The following CNTN1 variants were observed in gnomAD, a reference collection of about 807,000 sequenced individuals.
CNTN1 encodes contactin-1.
Under a neutral mutation model 126.4 loss-of-function variants are expected in CNTN1, and 38 were observed. The ratio of observed to expected loss-of-function variants is 0.30; its 90% CI spans 0.23 to 0.39. CNTN1 has a LOEUF of 0.39. CNTN1 is among the 10% of genes least tolerant of loss of function. The pLI, the probability that CNTN1 is intolerant of heterozygous loss-of-function variation, is 1.00. For missense variants in CNTN1, 1,009 were observed against 1,248.4 expected (o/e 0.81, Z 2.89); for synonymous variants, 413 against 422.6 (o/e 0.98, Z 0.28).
Position 41,035,269 on chromosome 12 carries a change from T to C in CNTN1, c.2980+6050T>C, listed in dbSNP as rs546896797. Among the ~76,000 whole-genome samples the C allele has an allele frequency of 3.8e-3, 578 of 152,360 alleles. 3 individuals carry two copies. Among genetic ancestry groups the C allele is most frequent in the Non-Finnish European group, 5.4e-3 (364 of 68,028 alleles). On this transcript the variant is annotated intron_variant, in intron 23 of 23. Coordinates refer to ENST00000551295, the MANE Select transcript of CNTN1 (RefSeq NM_001843.4). ...TAAAATAATCCTCCAAGATGTACTTTCTACCAGAATAATTTTCATTAATGA... is the reference window on the plus strand; with the variant it reads ...TAAAATAATCCTCCAAGATGTACTTCCTACCAGAATAATTTTCATTAATGA...
intron 3 of CNTN1, among the ~76,000 whole-genome samples, chr12:40,912,405 A>G (rs1230828542): frequency 2.3e-5 from 3 of 132,954 alleles, no homozygotes; most frequent in African/African-American, 7.9e-5. Context: ...TCAGAAAGAA[A>G]AAAAAAAACC....
chr12:40,940,738 T>C (rs1592289780), intron 12 of CNTN1, among the ~76,000 whole-genome samples: 1 of 152,258 alleles, frequency 6.6e-6, no homozygotes, highest in Admixed American at 6.5e-5. Flanking sequence ...ATCAGGGGCT[T>C]CCCTGAACAC....
rs188230247 is a variant in CNTN1 at position 41,036,856 on chromosome 12, T to A, written c.2980+7637T>A. On this transcript the variant is annotated intron_variant, in intron 23 of 23. Transcript: ENST00000551295. ...AAGGCTTGGCATATACTTGCCAAAC[T>A]GTCATCTAAACAGCAATGCCTGCAT... Among the ~76,000 whole-genome samples the A allele has an allele frequency of 7.3e-4, 111 of 152,344 alleles. 2 individuals carry two copies. Among genetic ancestry groups the A allele is most frequent in the African/African-American group, 2.1e-3 (88 of 41,586 alleles).
intron 1 of CNTN1, chr12:40,742,225 CA>C (rs1937973553): frequency 6.6e-6 from 1 of 152,090 alleles, no homozygotes; most frequent in Non-Finnish European, 1.5e-5. Context: ...AGGAAAGTTT[CA>C]TTTATCCTGC....
chr12:40,847,653 A>G (rs1443536827), intron 1 of CNTN1, among the ~76,000 whole-genome samples: 2 of 152,218 alleles, frequency 1.3e-5, no homozygotes, highest in African/African-American at 4.8e-5. Context: ...AAAGCAGTGG[A>G]TTTATAATGT....
At chr12:40,702,957 G>C (rs745673751) in intron 1 of CNTN1, among the ~76,000 whole-genome samples, 6 of 151,994 alleles carry the variant, frequency 3.9e-5, no homozygotes, top group Non-Finnish European at 8.8e-5. Context: ...GTGTAGTTTT[G>C]TATATTCCTG....
At chr12:40,995,494 AAT>A (rs1948190729) in intron 17 of CNTN1, among the ~76,000 whole-genome samples, 1 of 152,164 alleles carries the variant, frequency 6.6e-6, no homozygotes, top group Non-Finnish European at 1.5e-5. Context: ...AGGAAAAAAT[AAT>A]AGAGTATTTC....
intron 1 of CNTN1, among the ~76,000 whole-genome samples, chr12:40,866,202 AT>A (rs1178210328): frequency 6.6e-6 from 1 of 152,012 alleles, no homozygotes; most frequent in African/African-American, 2.4e-5. Flanking sequence ...ATTAGCCATA[AT>A]TTTTTTAGTG....
At chr12:40,928,450 TGAAAA>T (rs1233401739) in intron 6 of CNTN1, among the ~76,000 whole-genome samples, 1 of 151,970 alleles carries the variant, frequency 6.6e-6, no homozygotes, top group Non-Finnish European at 1.5e-5. Flanking sequence ...AGAAAACAAA[TGAAAA>T]GAATTCAATT....
At chr12:40,984,447 A>G (rs763028043) in intron 16 of CNTN1, among the ~76,000 whole-genome samples, 15 of 152,306 alleles carry the variant, frequency 9.8e-5, no homozygotes, top group Non-Finnish European at 2.1e-4. Flanking sequence ...GGGCTTCAGG[A>G]AGCTTTCATT....
intron 17 of CNTN1, among the ~76,000 whole-genome samples, chr12:41,002,898 T>C (rs933709588): frequency 1.3e-5 from 2 of 152,126 alleles, no homozygotes. Context: ...TGCAAACTGA[T>C]ATGGCTTGAC....
chr12:40,761,930 A>G (rs924694157), intron 1 of CNTN1, among the ~76,000 whole-genome samples: 1 of 152,222 alleles, frequency 6.6e-6, no homozygotes, highest in African/African-American at 2.4e-5. Context: ...CTTTTACAAT[A>G]CAATCCTAAT....
intron 1 of CNTN1, among the ~76,000 whole-genome samples, chr12:40,870,363 G>T (rs1486986165): frequency 6.6e-6 from 1 of 152,052 alleles, no homozygotes; most frequent in African/African-American, 2.4e-5. Flanking sequence ...TGTCAAAATT[G>T]TCATTTCATT....
intron 1 of CNTN1, among the ~76,000 whole-genome samples, chr12:40,791,895 A>C (rs974196724): frequency 1.3e-5 from 2 of 152,124 alleles, no homozygotes; most frequent in Admixed American, 1.3e-4. Flanking sequence ...AAACTCCTGA[A>C]GATGTAGTCT....
intron 1 of CNTN1, among the ~76,000 whole-genome samples, chr12:40,731,504 A>T (rs1184663908): frequency 3.3e-5 from 5 of 152,036 alleles, no homozygotes; most frequent in Non-Finnish European, 7.4e-5. Context: ...CACAATTTAA[A>T]AATATAAATT....
Position 41,004,380 on chromosome 12 carries a change from A to T in CNTN1, c.2114-9848A>T, listed in dbSNP as rs548278991. The stretch of plus-strand genomic sequence containing the variant: ...CCAATTATGTGCTCAATTCTTGAGC[A>T]TGTGCCATGTGGCAATGAGAAGAAT... On this transcript the variant is annotated intron_variant, in intron 17 of 23. Coordinates refer to ENST00000551295, the MANE Select transcript of CNTN1 (RefSeq NM_001843.4). 3.9e-5 allele frequency among the ~76,000 whole-genome samples: 6 copies of T among 152,318 alleles called. No individual in the cohort carries two copies. In the South Asian group the frequency reaches 1.2e-3, roughly 32 times the overall value.
At chr12:40,770,872 T>G (rs1939311967) in intron 1 of CNTN1, among the ~76,000 whole-genome samples, 1 of 152,028 alleles carries the variant, frequency 6.6e-6, no homozygotes, top group Admixed American at 6.6e-5. Context: ...ATATAAAATA[T>G]GAAGCTATTA....
At chr12:40,995,386 C>T (rs1566108047) in intron 17 of CNTN1, among the ~76,000 whole-genome samples, 1 of 151,850 alleles carries the variant, frequency 6.6e-6, no homozygotes, top group Non-Finnish European at 1.5e-5. Flanking sequence ...GTCAAATGAG[C>T]TCAGAGAGGC....
At chr12:40,777,079 A>G (rs1939614421) in intron 1 of CNTN1, among the ~76,000 whole-genome samples, 1 of 151,706 alleles carries the variant, frequency 6.6e-6, no homozygotes, top group Non-Finnish European at 1.5e-5. Flanking sequence ...TACTTTGGGT[A>G]CATATATTCA....
Sources: gnomAD v4.1 joint callset for allele counts (sites outside exome capture counted in the v4.1 genomes callset) on GRCh38, gnomAD v4.1.1 for gene constraint, MANE v1.5 for transcripts, NCBI Gene and HGNC (gene_info 2026-07-23, HGNC 2026-07-21) for gene names.